The following PPP1R9A variants were observed in gnomAD, a reference collection of about 807,000 sequenced individuals.
PPP1R9A encodes the protein neurabin-1.
A neutral mutation model predicts 141.9 loss-of-function variants in PPP1R9A; 59 were observed. The observed-to-expected ratio is 0.42, with a 90% CI of 0.34 to 0.52. The LOEUF (loss-of-function observed/expected upper bound fraction) is 0.52. Ranked by LOEUF, PPP1R9A falls within the 20% of genes least tolerant of loss-of-function variation. PPP1R9A has a pLI of 0.10. For missense variants in PPP1R9A, 1,444 were observed against 1,611.9 expected (o/e 0.90, Z 1.78); for synonymous variants, 500 against 569.7 (o/e 0.88, Z 1.74).
chr7:95,177,243 C>CAAG (rs1833036432), intron 5 of PPP1R9A, among the ~76,000 whole-genome samples: 1 of 152,020 alleles, frequency 6.6e-6, no homozygotes. Context: ...AATGATCACC[C>CAAG]AAGAATTTTG....
chr7:95,210,121 A>G (rs1277969591), intron 7 of PPP1R9A, among the ~76,000 whole-genome samples: 3 of 152,332 alleles, frequency 2.0e-5, no homozygotes, highest in East Asian at 3.9e-4. Context: ...TATATTTATC[A>G]GGGACTTAAA....
chr7:95,012,674 A>G (rs890905709), intron 2 of PPP1R9A, among the ~76,000 whole-genome samples: 2 of 152,220 alleles, frequency 1.3e-5, no homozygotes, highest in African/African-American at 4.8e-5. Context: ...CTAGAGAAGG[A>G]CTTCTCAATT....
At chr7:95,179,369 T>G (rs117293899) in intron 5 of PPP1R9A, among the ~76,000 whole-genome samples, 6,268 of 152,216 alleles carry the variant, frequency 0.041, 206 homozygotes, top group Non-Finnish European at 0.065. Flanking sequence ...GCAAGGGACA[T>G]ACCTCAATGT....
chr7:95,147,676 A>G (rs1471815647), intron 4 of PPP1R9A, among the ~76,000 whole-genome samples: 3 of 152,122 alleles, frequency 2.0e-5, no homozygotes, highest in African/African-American at 7.2e-5. Context: ...TGCCATCAGT[A>G]CCTAGTTTAT....
chr7:95,270,114 C>T (rs1244770019), intron 14 of PPP1R9A, among the ~76,000 whole-genome samples: 2 of 152,114 alleles, frequency 1.3e-5, no homozygotes, highest in Non-Finnish European at 2.9e-5. Flanking sequence ...TTTCATGCTA[C>T]AGTAGCAGTG....
At chr7:95,136,032 T>G (rs1825610361) in intron 4 of PPP1R9A, among the ~76,000 whole-genome samples, 1 of 152,144 alleles carries the variant, frequency 6.6e-6, no homozygotes, top group African/African-American at 2.4e-5. Context: ...TCCACCAACT[T>G]GTAGTGCCAT....
intron 7 of PPP1R9A, among the ~76,000 whole-genome samples, chr7:95,219,961 C>T (rs982495976): frequency 4.6e-5 from 7 of 152,218 alleles, no homozygotes; most frequent in African/African-American, 1.7e-4. Flanking sequence ...ATCATAACGT[C>T]ATGCAGTCAG....
At chr7:95,239,735 T>C (rs1280467611) in intron 8 of PPP1R9A, among the ~76,000 whole-genome samples, 2 of 151,762 alleles carry the variant, frequency 1.3e-5, no homozygotes, top group Non-Finnish European at 2.9e-5. Flanking sequence ...CTTTAAGTTT[T>C]TGAAAAGTGT....
intron 2 of PPP1R9A, among the ~76,000 whole-genome samples, chr7:94,967,267 C>T: frequency 6.6e-6 from 1 of 152,016 alleles, no homozygotes; most frequent in Non-Finnish European, 1.5e-5. Context: ...AAAGCAGCTC[C>T]TGGATTCATT....
intron 2 of PPP1R9A, among the ~76,000 whole-genome samples, chr7:95,083,505 C>G (rs1249007498): frequency 6.6e-6 from 1 of 151,848 alleles, no homozygotes; most frequent in Non-Finnish European, 1.5e-5. Flanking sequence ...TTCCAAGGTG[C>G]CATATTTTGG....
intron 2 of PPP1R9A, among the ~76,000 whole-genome samples, chr7:94,913,054 T>C (rs1791647856): frequency 6.6e-6 from 1 of 152,132 alleles, no homozygotes; most frequent in African/African-American, 2.4e-5. Flanking sequence ...TCGTTTCACA[T>C]TGAGAAAGGC....
chr7:94,953,363 C>T (rs576504358), intron 2 of PPP1R9A, among the ~76,000 whole-genome samples: 1 of 152,210 alleles, frequency 6.6e-6, no homozygotes, highest in South Asian at 2.1e-4. Flanking sequence ...TTACTGTAGC[C>T]TTGTAGTATA....
chr7:95,099,174 T>C (rs2152388392), intron 2 of PPP1R9A, among the ~76,000 whole-genome samples: 1 of 152,304 alleles, frequency 6.6e-6, no homozygotes, highest in East Asian at 1.9e-4. Flanking sequence ...CAAAAATTGA[T>C]TTACTAACTT....
intron 2 of PPP1R9A, among the ~76,000 whole-genome samples, chr7:95,108,464 C>T (rs954309768): frequency 1.3e-5 from 2 of 151,458 alleles, no homozygotes; most frequent in Non-Finnish European, 2.9e-5. Flanking sequence ...GTGCCTGCCA[C>T]CACACCCGGC....
intron 8 of PPP1R9A, among the ~76,000 whole-genome samples, chr7:95,227,391 A>C (rs893863945): frequency 1.3e-5 from 2 of 152,210 alleles, no homozygotes; most frequent in Admixed American, 1.3e-4. Context: ...GGCACAGATA[A>C]TATATGGAAA....
chr7:94,915,121 T>C (rs1313784680), intron 2 of PPP1R9A, among the ~76,000 whole-genome samples: 1 of 152,244 alleles, frequency 6.6e-6, no homozygotes, highest in Admixed American at 6.5e-5. Context: ...TGAGGTACAT[T>C]GTGCTATATT....
intron 8 of PPP1R9A, among the ~76,000 whole-genome samples, chr7:95,237,027 A>G (rs1796778230): frequency 1.3e-5 from 2 of 151,748 alleles, no homozygotes; most frequent in Non-Finnish European, 1.5e-5. Context: ...TATTCCATAT[A>G]ATAGCTATTG....
chr7:95,058,855 T>C (rs1027423054), intron 2 of PPP1R9A, among the ~76,000 whole-genome samples: 2 of 152,034 alleles, frequency 1.3e-5, no homozygotes, highest in Admixed American at 6.6e-5. Context: ...AGTGGCATGA[T>C]CTCAACTCAC....
intron 12 of PPP1R9A, among the ~76,000 whole-genome samples, chr7:95,253,682 G>T (rs1799192347): frequency 6.6e-6 from 1 of 152,008 alleles, no homozygotes; most frequent in Non-Finnish European, 1.5e-5. Flanking sequence ...GGCCTGTTTT[G>T]AAACTATATG....
Sources: gnomAD v4.1 joint callset for allele counts (sites outside exome capture counted in the v4.1 genomes callset) on GRCh38, gnomAD v4.1.1 for gene constraint, MANE v1.5 for transcripts, NCBI Gene and HGNC (gene_info 2026-07-23, HGNC 2026-07-21) for gene names.